Variants in CNTN4 observed in about 807,000 individuals in gnomAD.
CNTN4 encodes contactin 4.
A neutral mutation model predicts 122.5 loss-of-function variants in CNTN4; 77 were observed. The observed-to-expected ratio is 0.63, with a 90% CI of 0.52 to 0.76. The LOEUF (loss-of-function observed/expected upper bound fraction) is 0.76. CNTN4 is among the 30% of genes least tolerant of loss of function. The pLI is 0.00. For missense variants in CNTN4, 1,256 were observed against 1,259.1 expected, an observed-to-expected ratio of 1.00 and a Z score of 0.04; for synonymous variants, 512 against 447.0, an observed-to-expected ratio of 1.15 and a Z score of -1.83.
intron 2 of CNTN4, among the ~76,000 whole-genome samples, chr3:2,170,417 A>G (rs1289930462): frequency 1.3e-5 from 2 of 152,200 alleles, no homozygotes; most frequent in African/African-American, 4.8e-5. Context: ...AAACTTAGGA[A>G]ATCATCAAGA....
intron 2 of CNTN4, among the ~76,000 whole-genome samples, chr3:2,148,709 A>G (rs567875038): frequency 6.6e-6 from 1 of 152,288 alleles, no homozygotes; most frequent in South Asian, 2.1e-4. Flanking sequence ...TGACGAAATT[A>G]AATGAGTCGG....
At chr3:3,045,978 A>C (rs1467015347) in intron 23 of CNTN4, among the ~76,000 whole-genome samples, 2 of 152,226 alleles carry the variant, frequency 1.3e-5, no homozygotes, top group East Asian at 3.9e-4. Context: ...CTACATGACG[A>C]AGGCACAAGC....
intron 2 of CNTN4, among the ~76,000 whole-genome samples, chr3:2,326,447 C>T (rs1308253089): frequency 6.6e-6 from 1 of 150,782 alleles, no homozygotes; most frequent in African/African-American, 2.4e-5. Flanking sequence ...GACTTGTCAG[C>T]CTCCTTAATT....
intron 15 of CNTN4, 136 bp from the exon 16 acceptor site, chr3:3,030,719 C>G: frequency 3.8e-6 from 4 of 1,046,662 alleles, no homozygotes; most frequent in Non-Finnish European, 5.8e-6. Context: ...ATATTTTTAA[C>G]AGGCCATGGT....
chr3:2,855,845 A>T (rs749980889), intron 7 of CNTN4, among the ~76,000 whole-genome samples: 3 of 150,984 alleles, frequency 2.0e-5, no homozygotes, highest in Non-Finnish European at 4.4e-5. Flanking sequence ...GCAAAACTGC[A>T]CCAGAGTCAG....
At chr3:2,600,481 C>G (rs1019513568) in intron 4 of CNTN4, among the ~76,000 whole-genome samples, 4 of 152,002 alleles carry the variant, frequency 2.6e-5, no homozygotes, top group African/African-American at 9.7e-5. Context: ...ATAGTTTGCT[C>G]AGAATGATGG....
intron 13 of CNTN4, among the ~76,000 whole-genome samples, chr3:2,932,837 TTTA>T (rs2094534159): frequency 6.1e-5 from 9 of 146,474 alleles, no homozygotes; most frequent in African/African-American, 2.3e-4. Flanking sequence ...TATTTATTTA[TTTA>T]GAGACGGAGT....
At chr3:2,383,388 C>T (rs566299133) in intron 3 of CNTN4, among the ~76,000 whole-genome samples, 20 of 152,224 alleles carry the variant, frequency 1.3e-4, no homozygotes, top group Middle Eastern at 3.4e-3. Flanking sequence ...GTGCTTTCTT[C>T]CTTTATACTT....
chr3:2,959,664 A>C (rs2094833818), intron 13 of CNTN4, among the ~76,000 whole-genome samples: 1 of 145,824 alleles, frequency 6.9e-6, no homozygotes, highest in Non-Finnish European at 1.5e-5. Context: ...CTAAATTTTT[A>C]AGTGACTGAT....
At chr3:2,311,106 C>T (rs2042898302) in intron 2 of CNTN4, among the ~76,000 whole-genome samples, 1 of 152,082 alleles carries the variant, frequency 6.6e-6, no homozygotes, top group African/African-American at 2.4e-5. Context: ...ACCTTTCCCC[C>T]TGAAATAACA....
intron 10 of CNTN4, among the ~76,000 whole-genome samples, chr3:2,898,054 G>A (rs2094134329): frequency 6.6e-6 from 1 of 152,092 alleles, no homozygotes; most frequent in Non-Finnish European, 1.5e-5. Context: ...TTTTCATCAA[G>A]CACATGACTT....
chr3:2,227,825 A>G (rs1458787722), intron 2 of CNTN4, among the ~76,000 whole-genome samples: 2 of 152,120 alleles, frequency 1.3e-5, no homozygotes, highest in Admixed American at 6.5e-5. Flanking sequence ...TTGTTTCTAC[A>G]TCCTGTATTG....
chr3:2,863,730 G>T, intron 7 of CNTN4, among the ~76,000 whole-genome samples: 2 of 151,704 alleles, frequency 1.3e-5, no homozygotes, highest in South Asian at 2.1e-4. Flanking sequence ...AAATAAGTTT[G>T]GATGCTTAAA....
chr3:2,812,909 C>G (rs2092646006), intron 6 of CNTN4, among the ~76,000 whole-genome samples: 1 of 152,194 alleles, frequency 6.6e-6, no homozygotes, highest in South Asian at 2.1e-4. Context: ...CCTTCTGACT[C>G]CAAAACCAGG....
chr3:2,742,215 A>G (rs1452603933), intron 5 of CNTN4, among the ~76,000 whole-genome samples: 2 of 152,090 alleles, frequency 1.3e-5, no homozygotes, highest in African/African-American at 4.8e-5. Context: ...AGACACCGCA[A>G]CTGACCTCTC....
Position 2,606,632 on chromosome 3 carries a change from A to C in CNTN4, c.55+35074A>C, listed in dbSNP as rs78163130. 1.3e-4 allele frequency among the ~76,000 whole-genome samples: 20 copies of C among 152,318 alleles called. No homozygotes were observed. In the East Asian group the frequency reaches 3.9e-3, roughly 29 times the overall value. On this transcript the variant is annotated intron_variant, in intron 4 of 24. Transcript: ENST00000418658. ...TCTTATCTGAACACAATAAGTTGAC[A>C]TTAGTTTTGTTTTTAAAGTGAAATA...
intron 4 of CNTN4, among the ~76,000 whole-genome samples, chr3:2,587,100 G>T (rs1488783263): frequency 6.6e-6 from 1 of 152,044 alleles, no homozygotes; most frequent in Non-Finnish European, 1.5e-5. Flanking sequence ...AAATTCACTA[G>T]GCTAATATAT....
intron 3 of CNTN4, among the ~76,000 whole-genome samples, chr3:2,451,590 A>T (rs2048830813): frequency 6.6e-6 from 1 of 151,934 alleles, no homozygotes; most frequent in Non-Finnish European, 1.5e-5. Context: ...TTTTTATCAA[A>T]TTTTTAATAA....
chr3:2,917,132 T>C (rs572258200), intron 12 of CNTN4, among the ~76,000 whole-genome samples: 1 of 143,002 alleles, frequency 7.0e-6, no homozygotes. Flanking sequence ...AAACCCCGTC[T>C]CCACCAAAAA....
Sources: allele counts gnomAD v4.1 joint callset (sites outside exome capture counted in the v4.1 genomes callset), GRCh38; gene constraint gnomAD v4.1.1; transcripts MANE v1.5; gene names NCBI Gene and HGNC (gene_info 2026-07-23, HGNC 2026-07-21).